RIMS3: variants seen among roughly 807,000 people sequenced by gnomAD.
RIMS3 encodes the protein regulating synaptic membrane exocytosis 3, also known as regulating synaptic membrane exocytosis protein 3.
In RIMS3, 15 loss-of-function variants were observed where a neutral mutation model predicts 29.2. That is an observed-to-expected ratio of 0.51 (90% CI 0.34 to 0.79). The LOEUF (loss-of-function observed/expected upper bound fraction) is 0.79. Ranked by LOEUF, RIMS3 falls within the 30% of genes least tolerant of loss-of-function variation. The pLI, the probability that RIMS3 is intolerant of heterozygous loss-of-function variation, is 0.01. For missense variants in RIMS3, 342 were observed against 421.4 expected (o/e 0.81, Z 1.65); for synonymous variants, 161 against 170.1 (o/e 0.95, Z 0.41).
the RIMS3 span, among the ~76,000 whole-genome samples, chr1:40,676,599 T>G: frequency 6.6e-6 from 1 of 152,160 alleles, no homozygotes; most frequent in South Asian, 2.1e-4. Context: ...TGGACCCACT[T>G]CAGCATTTCA....
At chr1:40,658,283 C>T (rs1642299529) in intron 1 of RIMS3, among the ~76,000 whole-genome samples, 1 of 151,806 alleles carries the variant, frequency 6.6e-6, no homozygotes, top group Non-Finnish European at 1.5e-5. Context: ...CCTCAGGCCT[C>T]TGAATGACAT....
At chr1:40,633,261 C>G in intron 4 of RIMS3, 80 bp from the exon 5 acceptor site, 3 of 1,157,778 alleles carry the variant, frequency 2.6e-6, no homozygotes, top group Non-Finnish European at 3.8e-6. Context: ...CTGCCATGCT[C>G]TGGCCCTGGG....
At chr1:40,626,791 G>A (rs1646457628) in intron 7 of RIMS3, 62 bp from the exon 8 acceptor site, 1 of 1,501,838 alleles carries the variant, frequency 6.7e-7, no homozygotes, top group African/African-American at 1.4e-5. Context: ...TGTGCAGCAG[G>A]CCTAGGAACC....
chr1:40,658,175 G>A (rs1048814657), intron 1 of RIMS3, among the ~76,000 whole-genome samples: 5 of 152,150 alleles, frequency 3.3e-5, no homozygotes, highest in African/African-American at 4.8e-5. Flanking sequence ...GAAGATTTTC[G>A]TGGGGAAAAA....
At chr1:40,681,608 G>A in the RIMS3 span, 1 of 150,924 alleles carries the variant, frequency 6.6e-6, no homozygotes, top group East Asian at 2.0e-4. Flanking sequence ...TCATTGAGTT[G>A]GTTTAAGGAT....
At chr1:40,649,941 G>C (rs1646620002) in intron 1 of RIMS3, among the ~76,000 whole-genome samples, 1 of 152,192 alleles carries the variant, frequency 6.6e-6, no homozygotes, top group South Asian at 2.1e-4. Context: ...ACAGACTCCA[G>C]ACATACCTTG....
chr1:40,691,928 G>GATAGGGAA, the RIMS3 span: 1 of 338,224 alleles, frequency 3.0e-6, no homozygotes, highest in South Asian at 2.1e-5. Context: ...CGGGGGGAGG[G>GATAGGGAA]GCAGCGCTTC....
chr1:40,684,257 C>A, the RIMS3 span, among the ~76,000 whole-genome samples: 1 of 152,204 alleles, frequency 6.6e-6, no homozygotes, highest in South Asian at 2.1e-4. Context: ...TCTAGGTGTT[C>A]AAAGGATGTC....
chr1:40,643,304 T>C (rs1646571972), intron 2 of RIMS3, among the ~76,000 whole-genome samples: 1 of 151,952 alleles, frequency 6.6e-6, no homozygotes, highest in Admixed American at 6.6e-5. Context: ...GCTAATGTTT[T>C]GTATTTTTAG....
intron 5 of RIMS3, among the ~76,000 whole-genome samples, chr1:40,632,408 A>T (rs1274649551): frequency 7.3e-6 from 1 of 137,096 alleles, no homozygotes; most frequent in Non-Finnish European, 1.5e-5. Flanking sequence ...ATGAAAAAAT[A>T]CATATAAATT....
At chr1:40,645,541 C>T (rs975769130) in intron 2 of RIMS3, among the ~76,000 whole-genome samples, 1 of 152,042 alleles carries the variant, frequency 6.6e-6, no homozygotes, top group African/African-American at 2.4e-5. Context: ...GTCTCTGGGC[C>T]CTTTGAGAAA....
rs763739210 is a variant in RIMS3, at chr1:40,634,035, CTT to C, written c.360-856_360-855del. Among the ~76,000 whole-genome samples the C allele has an allele frequency of 2.6e-5, 4 of 152,166 alleles. No homozygotes were observed. The East Asian group carries it at 5.8e-4, about 22-fold the overall frequency. The stretch of plus-strand genomic sequence containing the variant: ...TCATCAAGGGAAAAGTGCTACTTCT[CTT>C]TTGTGCTCCAGTCTAGATATTCTGG... On this transcript the variant is annotated intron_variant, in intron 4 of 7. Transcript: ENST00000372684.
intron 3 of RIMS3, among the ~76,000 whole-genome samples, chr1:40,638,538 G>GT (rs1224272307): frequency 2.0e-5 from 3 of 152,178 alleles, no homozygotes; most frequent in Admixed American, 1.3e-4. Context: ...CTCACAGCCT[G>GT]TACCACCACT....
rs560838388 is a variant in RIMS3 at position 40,645,089 on chromosome 1, T to C, written c.-32+2579A>G. Among the ~76,000 whole-genome samples the C allele has an allele frequency of 2.0e-5, 3 of 152,298 alleles. No individual in the cohort carries two copies. The East Asian group carries it at 5.8e-4, about 29-fold the overall frequency. On this transcript the variant is annotated intron_variant, in intron 2 of 7. Coordinates refer to ENST00000372684, the MANE Select transcript of RIMS3 (RefSeq NM_014747.3). ...CTGCCTGGACCGATCTCATTCGCCC[T>C]GTGACGTGTGCAGAGTCCTGGATTG...
upstream of RIMS3, among the ~76,000 whole-genome samples, chr1:40,666,016 C>A (rs1410937236): frequency 6.6e-6 from 1 of 152,192 alleles, no homozygotes; most frequent in Non-Finnish European, 1.5e-5. Flanking sequence ...GCGCCCCCTG[C>A]CCTGCCCTGC....
intron 7 of RIMS3, among the ~76,000 whole-genome samples, 170 bp downstream of exon 7, chr1:40,628,640 T>C (rs1646469351): frequency 1.3e-5 from 2 of 152,186 alleles, no homozygotes; most frequent in Non-Finnish European, 2.9e-5. Context: ...GGTTTCCTTA[T>C]GAATCAACTG....
In RIMS3 at chr1:40,628,953, A is replaced by C; in HGVS notation, c.575-4T>G. 6.2e-7 allele frequency: 1 copy of C among 1,612,964 alleles called. No homozygotes were observed. The highest frequency in any genetic ancestry group is 8.5e-7 in the Non-Finnish European group (1 of 1,180,004). On this transcript the variant is annotated splice_polypyrimidine_tract_variant and splice_region_variant and intron_variant, in intron 6 of 7. Transcript: ENST00000372684. ...AGGTAAACCTTGATATAGGTGGCTA[A>C]GGGAGGAGAGAATGTATGACAGGGA... is the stretch of plus-strand genomic sequence containing the variant.
chr1:40,632,509 A>G (rs1305794547), intron 5 of RIMS3, among the ~76,000 whole-genome samples: 1 of 148,564 alleles, frequency 6.7e-6, no homozygotes, highest in Non-Finnish European at 1.5e-5. Flanking sequence ...TCACACACTG[A>G]AAATGACTGT....
chr1:40,675,808 G>A, the RIMS3 span, among the ~76,000 whole-genome samples: 1 of 150,592 alleles, frequency 6.6e-6, no homozygotes, highest in Non-Finnish European at 1.5e-5. Flanking sequence ...CATGCCTGTA[G>A]TCCCAGCTAC....
Sources: allele counts gnomAD v4.1 joint callset (sites outside exome capture counted in the v4.1 genomes callset), GRCh38; gene constraint gnomAD v4.1.1; transcripts MANE v1.5; gene names NCBI Gene and HGNC (gene_info 2026-07-23, HGNC 2026-07-21).